INPP5B: variants seen among roughly 807,000 people sequenced by gnomAD.
INPP5B encodes the protein inositol polyphosphate-5-phosphatase B.
Under a neutral mutation model 118.5 loss-of-function variants are expected in INPP5B, and 90 were observed. The ratio of observed to expected loss-of-function variants is 0.76; its 90% CI spans 0.64 to 0.90. INPP5B has a LOEUF of 0.90. Among genes scored for constraint, INPP5B ranks in the 40% least tolerant of loss-of-function variants. The pLI, the probability that INPP5B is intolerant of heterozygous loss-of-function variation, is 0.00. For synonymous variants in INPP5B, 385 were observed against 418.9 expected (o/e 0.92, Z 0.99); for missense variants, 984 against 1,125.6 (o/e 0.87, Z 1.80).
chr1:37,889,795 A>G, intron 8 of INPP5B, 71 bp from the exon 9 acceptor site: 2 of 1,212,900 alleles, frequency 1.6e-6, no homozygotes, highest in Non-Finnish European at 2.3e-6. Flanking sequence ...TACAAAGCTA[A>G]AAGTTCCCCT....
chr1:37,878,897 G>A (rs1223646536), intron 15 of INPP5B, among the ~76,000 whole-genome samples: 4 of 149,036 alleles, frequency 2.7e-5, no homozygotes, highest in African/African-American at 7.3e-5. Flanking sequence ...CAATCTGCCC[G>A]CCTCGGCCTC....
intron 7 of INPP5B, among the ~76,000 whole-genome samples, chr1:37,897,334 C>T (rs1049248051): frequency 1.6e-4 from 24 of 148,558 alleles, no homozygotes; most frequent in African/African-American, 4.4e-4. Flanking sequence ...GGATGGTTGC[C>T]GTGTCTGTGT....
intron 7 of INPP5B, 101 bp downstream of exon 7, chr1:37,931,812 G>T: frequency 6.2e-7 from 1 of 1,608,192 alleles, no homozygotes. Flanking sequence ...TCAATCGAAA[G>T]CCTGTCTTCT....
intron 14 of INPP5B, among the ~76,000 whole-genome samples, chr1:37,882,429 G>A (rs973410393): frequency 2.0e-5 from 3 of 152,194 alleles, no homozygotes; most frequent in South Asian, 2.1e-4. Flanking sequence ...GTGTGGTGAC[G>A]AGAAGCACAG....
chr1:37,945,719 A>T (rs745817105), intron 3 of INPP5B, 37 bp downstream of exon 3: 2 of 1,519,906 alleles, frequency 1.3e-6, no homozygotes, highest in Non-Finnish European at 1.8e-6. Context: ...GAACAACCCC[A>T]TGGCCCAGAC....
At chr1:37,872,839 A>G (rs1031686499) in intron 19 of INPP5B, 91 bp downstream of exon 19, 1 of 921,416 alleles carries the variant, frequency 1.1e-6, no homozygotes, top group Non-Finnish European at 1.7e-6. Context: ...AAGAGTTTCT[A>G]AGTCCCTAGG....
intron 7 of INPP5B, among the ~76,000 whole-genome samples, chr1:37,913,101 C>T (rs1557688157): frequency 1.3e-5 from 2 of 152,030 alleles, no homozygotes; most frequent in East Asian, 1.9e-4. Flanking sequence ...ACTAAGAATA[C>T]AAAAACTTAG....
At chr1:37,901,831 A>G (rs1488324663) in intron 7 of INPP5B, among the ~76,000 whole-genome samples, 1 of 151,986 alleles carries the variant, frequency 6.6e-6, no homozygotes, top group South Asian at 2.1e-4. Flanking sequence ...CTCTGGCCAC[A>G]GCTTCCTGTC....
chr1:37,885,889 A>T, intron 12 of INPP5B, 64 bp from the exon 13 acceptor site: 1 of 1,514,898 alleles, frequency 6.6e-7, no homozygotes, highest in Non-Finnish European at 9.1e-7. Context: ...TTAAACCTAC[A>T]AACTTTCTGG....
chr1:37,897,109 C>CG (rs1365682391), intron 7 of INPP5B, among the ~76,000 whole-genome samples: 17 of 137,032 alleles, frequency 1.2e-4, no homozygotes, highest in South Asian at 4.9e-4. Context: ...GGAGGGAGGT[C>CG]GGGGGGGTCA....
At chr1:37,864,461 T>C (rs1426510541) in intron 22 of INPP5B, 38 bp from the exon 23 acceptor site, 7 of 1,244,042 alleles carry the variant, frequency 5.6e-6, no homozygotes, top group South Asian at 1.2e-5. Context: ...TTTTGTTCAC[T>C]GAATCATTTC....
intron 6 of INPP5B, among the ~76,000 whole-genome samples, chr1:37,939,366 A>G (rs1645825095): frequency 6.6e-6 from 1 of 151,924 alleles, no homozygotes; most frequent in South Asian, 2.1e-4. Flanking sequence ...CTCCGTCTCA[A>G]AAAAATAAAT....
intron 23 of INPP5B, 143 bp downstream of exon 23, chr1:37,864,169 A>C: frequency 1.7e-6 from 1 of 591,558 alleles, no homozygotes; most frequent in Non-Finnish European, 3.0e-6. Flanking sequence ...TCCAAACGCA[A>C]AACTTTCTGC....
chr1:37,921,857 C>T (rs911661602), intron 7 of INPP5B, among the ~76,000 whole-genome samples: 1 of 151,972 alleles, frequency 6.6e-6, no homozygotes, highest in Non-Finnish European at 1.5e-5. Flanking sequence ...TAATACAAAA[C>T]TTAGCCAGGC....
chr1:37,880,329 A>G, intron 14 of INPP5B, 135 bp from the exon 15 acceptor site: 1 of 616,348 alleles, frequency 1.6e-6, no homozygotes, highest in Non-Finnish European at 2.8e-6. Context: ...TTATTCTGTA[A>G]GATCTTAAGT....
intron 14 of INPP5B, among the ~76,000 whole-genome samples, chr1:37,882,133 T>A (rs1643241535): frequency 6.6e-6 from 1 of 150,940 alleles, no homozygotes; most frequent in Admixed American, 6.6e-5. Flanking sequence ...AGATTTAGAC[T>A]AATGACAATA....
At chr1:37,937,924 T>G (rs1307685875) in intron 6 of INPP5B, among the ~76,000 whole-genome samples, 1 of 141,956 alleles carries the variant, frequency 7.0e-6, no homozygotes, top group Non-Finnish European at 1.5e-5. Context: ...GCCAAGACTG[T>G]GCCATTGCAC....
chr1:37,934,119 A>G (rs1645598413), intron 6 of INPP5B, among the ~76,000 whole-genome samples: 1 of 151,810 alleles, frequency 6.6e-6, no homozygotes, highest in Non-Finnish European at 1.5e-5. Flanking sequence ...TTTTTAGTAG[A>G]GGCGAGGTTT....
rs578052995 is a variant in INPP5B at position 37,862,014 on chromosome 1, C to T, written c.*301G>A. ...TCGTGCCACCGCACTCCACCCTGCG[C>T]GACAGAGCAAAACTCCGTCTCAAAA... is the stretch of plus-strand genomic sequence containing the variant. On this transcript the variant is annotated 3_prime_UTR_variant, in exon 24 of 24. Coordinates refer to ENST00000373024, the MANE Select transcript of INPP5B (RefSeq NM_005540.3). The T allele has an allele frequency of 1.2e-4, 29 of 245,852 alleles. No individual in the cohort carries two copies. Among genetic ancestry groups the T allele is most frequent in the African/African-American group, 6.0e-4 (26 of 43,586 alleles). The allele number at this position is 245,852 out of a possible 1,614,324, so 15.2% of individuals were successfully genotyped here.
Sources: gnomAD v4.1 joint callset for allele counts (sites outside exome capture counted in the v4.1 genomes callset) on GRCh38, gnomAD v4.1.1 for gene constraint, MANE v1.5 for transcripts, NCBI Gene and HGNC (gene_info 2026-07-23, HGNC 2026-07-21) for gene names.